The following AIM2 variants were observed in gnomAD, a reference collection of about 807,000 sequenced individuals.
The protein encoded by AIM2 is interferon-inducible protein AIM2.
AIM2 carries 30 observed loss-of-function variants against 27.7 expected under a neutral mutation model. The ratio of observed to expected loss-of-function variants is 1.08; its 90% confidence interval spans 0.81 to 1.47. The LOEUF (loss-of-function observed/expected upper bound fraction) is 1.47. AIM2 is among the 40% of genes most tolerant of loss of function. The pLI is 0.00. For missense variants in AIM2, 358 were observed against 411.3 expected, an observed-to-expected ratio of 0.87 and a Z score of 1.12; for synonymous variants, 141 against 145.3, an observed-to-expected ratio of 0.97 and a Z score of 0.21.
intron 1 of AIM2, among the ~76,000 whole-genome samples, chr1:159,107,333 C>T (rs985226803): frequency 8.6e-5 from 12 of 140,194 alleles, no homozygotes; most frequent in East Asian, 7.8e-4. Flanking sequence ...TGTGTGTGTG[C>T]GCGCACTATA....
downstream of AIM2, among the ~76,000 whole-genome samples, chr1:159,061,822 A>C (rs1655848314): frequency 6.6e-6 from 1 of 151,528 alleles, no homozygotes. Context: ...ATTTTGATGA[A>C]GTTCAAATTA....
At chr1:159,060,936 A>G (rs1655814115), downstream of AIM2, among the ~76,000 whole-genome samples, 1 of 152,224 alleles carries the variant, frequency 6.6e-6, no homozygotes, top group Non-Finnish European at 1.5e-5. Context: ...TCATGTGGTA[A>G]GCATATGTTT....
chr1:159,063,802 A>G, intron 4 of AIM2, 128 bp from the exon 5 acceptor site: 1 of 1,011,732 alleles, frequency 9.9e-7, no homozygotes, highest in South Asian at 1.6e-5. Context: ...CACAGATTTT[A>G]CCTGTGCAGG....
intron 1 of AIM2, among the ~76,000 whole-genome samples, chr1:159,116,099 C>T (rs1180490799): frequency 1.3e-5 from 2 of 151,828 alleles, no homozygotes; most frequent in Non-Finnish European, 2.9e-5. Context: ...TCATCACTGG[C>T]CATCAGAGAA....
chr1:159,141,777 G>T (rs370343659), upstream of AIM2, among the ~76,000 whole-genome samples: 4 of 151,830 alleles, frequency 2.6e-5, no homozygotes, highest in African/African-American at 7.3e-5. Flanking sequence ...CTGAGCGGTG[G>T]GGGGGGACAG....
chr1:159,111,010 A>G (rs1479092174), intron 1 of AIM2, among the ~76,000 whole-genome samples: 1 of 152,110 alleles, frequency 6.6e-6, no homozygotes, highest in African/African-American at 2.4e-5. Context: ...GTAGAGCTCT[A>G]ATAACAACGC....
chr1:159,109,790 A>G (rs1189158650), intron 1 of AIM2, among the ~76,000 whole-genome samples: 1 of 152,246 alleles, frequency 6.6e-6, no homozygotes, highest in East Asian at 1.9e-4. Flanking sequence ...CAAATGGCCA[A>G]CAAACATATG....
chr1:159,071,729 C>T (rs1201774602), intron 2 of AIM2, among the ~76,000 whole-genome samples: 3 of 152,200 alleles, frequency 2.0e-5, no homozygotes, highest in South Asian at 2.1e-4. Flanking sequence ...AGGCTGATCT[C>T]GAACTCCTGA....
intron 1 of AIM2, among the ~76,000 whole-genome samples, chr1:159,123,326 C>A (rs1230235729): frequency 6.6e-6 from 1 of 152,148 alleles, no homozygotes; most frequent in Non-Finnish European, 1.5e-5. Flanking sequence ...AGGCTGAAGC[C>A]AAGAGACCTT....
Position 159,066,307 on chromosome 1 carries a change from G to A in AIM2, c.419C>T (p.Ala140Val), listed in dbSNP as rs768035216. ...CCCTTCTCTGATAGATTCCTGCTGG[G>A]CCACCATCTGTTTCTGTTCAGGCTG... ...HVKPEQKQMV[A>V]QQESIREGFQ... Residue 140 changes from alanine (A) to valine (V), a missense_variant, in exon 4 of 6, where the codon GCC (alanine) becomes GTC (valine). Physicochemically the swap from Ala to Val is moderately conservative, Grantham distance 64. Transcript: ENST00000368130. 1.9e-6 allele frequency: 3 copies of A among 1,612,712 alleles called. No individual in the cohort carries two copies. Among genetic ancestry groups the A allele is most frequent in the Admixed American group, 1.7e-5 (1 of 59,724 alleles).
rs149553020 is a variant in AIM2 at position 159,092,647 on chromosome 1, T to C, written c.-15-26318A>G. ...GGGAATAGGAACAATTGTACCTACGTTCAGACAGAGAAACCAAGATGCAGA... is the reference window on the plus strand; with the variant it reads ...GGGAATAGGAACAATTGTACCTACGCTCAGACAGAGAAACCAAGATGCAGA... On this transcript the variant is annotated intron_variant, in intron 1 of 2. Transcript: ENST00000368129. Among the ~76,000 whole-genome samples, 5 of 152,276 alleles carry C rather than the reference T, an allele frequency of 3.3e-5. No individual in the cohort carries two copies. In the East Asian group the frequency reaches 7.7e-4, roughly 24 times the overall value.
intron 3 of AIM2, 127 bp from the exon 4 acceptor site, chr1:159,066,456 C>CTAT: frequency 1.0e-6 from 1 of 958,392 alleles, no homozygotes; most frequent in South Asian, 1.7e-5. Context: ...GGAAGAGATA[C>CTAT]AGAGGGGATA....
intron 1 of AIM2, among the ~76,000 whole-genome samples, chr1:159,106,104 G>T (rs1034351392): frequency 4.8e-4 from 73 of 152,152 alleles, no homozygotes; most frequent in Non-Finnish European, 3.1e-4. Flanking sequence ...AGAGGCCAGG[G>T]AGTGAGAGCA....
chr1:159,103,385 T>A (rs1272972850), intron 1 of AIM2, among the ~76,000 whole-genome samples: 1 of 151,592 alleles, frequency 6.6e-6, no homozygotes, highest in African/African-American at 2.4e-5. Flanking sequence ...TTCCCACTTT[T>A]TTTTTTCCTG....
intron 1 of AIM2, among the ~76,000 whole-genome samples, chr1:159,094,268 A>T (rs1222923565): frequency 3.3e-5 from 5 of 152,210 alleles, no homozygotes; most frequent in African/African-American, 1.2e-4. Context: ...GGCAAATGCC[A>T]CAGCTACTTG....
upstream of AIM2, chr1:159,081,463 T>A: frequency 4.0e-6 from 2 of 499,516 alleles, no homozygotes; most frequent in South Asian, 3.0e-5. Context: ...AGTCGTCACA[T>A]CCAATCTGGG....
rs12406521 is a variant in AIM2, at chr1:159,083,087, G to T, written c.-15-16758C>A. Among the ~76,000 whole-genome samples the T allele has an allele frequency of 7.2e-5, 11 of 152,202 alleles. No individual in the cohort carries two copies. In the South Asian group the frequency reaches 2.3e-3, roughly 32 times the overall value. On this transcript the variant is annotated intron_variant, in intron 1 of 2. Coordinates refer to the AIM2 transcript ENST00000368129. ...AACAAATTATTAAAGATATGTCACT[G>T]ACTTCAGAAAAAAATAAAGATGCAT...
intron 1 of AIM2, among the ~76,000 whole-genome samples, chr1:159,114,443 G>A (rs1027676522): frequency 3.9e-5 from 6 of 152,116 alleles, no homozygotes; most frequent in African/African-American, 7.2e-5. Flanking sequence ...ACTTGGGGAC[G>A]GGCATGGTGG....
downstream of AIM2, chr1:159,062,468 G>A (rs893079269): frequency 2.5e-5 from 14 of 568,774 alleles, no homozygotes; most frequent in African/African-American, 2.7e-4. Flanking sequence ...AACTAAAGGA[G>A]ATAGTGGGAC....
Sources: allele counts gnomAD v4.1 joint callset (sites outside exome capture counted in the v4.1 genomes callset), GRCh38; gene constraint gnomAD v4.1.1; transcripts MANE v1.5; gene names NCBI Gene and HGNC (gene_info 2026-07-23, HGNC 2026-07-21).